Variants in ZMAT3 observed in about 807,000 individuals in gnomAD.
The protein encoded by ZMAT3 is zinc finger matrin-type 3.
ZMAT3 carries 17 observed loss-of-function variants against 32.3 expected under a neutral mutation model. The observed-to-expected ratio is 0.53, with a 90% CI of 0.36 to 0.79. ZMAT3 has a LOEUF of 0.79. Among genes scored for constraint, ZMAT3 ranks in the 30% least tolerant of loss-of-function variants. ZMAT3 has a pLI of 0.00. For synonymous variants in ZMAT3, 120 were observed against 133.1 expected, an observed-to-expected ratio of 0.90 and a Z score of 0.68; for missense variants, 329 against 359.7, an observed-to-expected ratio of 0.91 and a Z score of 0.69.
chr3:179,050,541 AAAG>A (rs1720502203), intron 2 of ZMAT3, among the ~76,000 whole-genome samples: 1 of 152,226 alleles, frequency 6.6e-6, no homozygotes, highest in Admixed American at 6.5e-5. Flanking sequence ...TCAGACATTC[AAAG>A]AAGAACTGGT....
At chr3:179,061,231 T>A (rs4955808) in intron 2 of ZMAT3, among the ~76,000 whole-genome samples, 92,757 of 151,924 alleles carry the variant, frequency 0.61, 28,456 homozygotes, top group East Asian at 0.8. Context: ...CCCAACAGAC[T>A]CCAGCTGAAA....
intron 2 of ZMAT3, among the ~76,000 whole-genome samples, chr3:179,031,269 T>G (rs1719170730): frequency 6.6e-6 from 1 of 151,866 alleles, no homozygotes; most frequent in Admixed American, 6.6e-5. Flanking sequence ...ATAGAAGAGT[T>G]CAGAAATATC....
chr3:179,057,988 T>A (rs1422592974), intron 2 of ZMAT3, among the ~76,000 whole-genome samples: 1 of 152,188 alleles, frequency 6.6e-6, no homozygotes, highest in East Asian at 1.9e-4. Flanking sequence ...TTTTTCTTTA[T>A]ATGTCACAGA....
chr3:179,067,222 AT>A (rs1303208415), intron 2 of ZMAT3, among the ~76,000 whole-genome samples: 1 of 152,212 alleles, frequency 6.6e-6, no homozygotes, highest in East Asian at 1.9e-4. Flanking sequence ...AGCATAGATC[AT>A]TTACATTTGC....
intron 2 of ZMAT3, among the ~76,000 whole-genome samples, chr3:179,052,178 G>A (rs1263934226): frequency 6.6e-6 from 1 of 152,150 alleles, no homozygotes. Context: ...CTTCTGCACA[G>A]CAAAAGAAAT....
At position 179,043,170 on chromosome 3, in the gene ZMAT3, T is replaced by C. The variant is rs193291704; in HGVS notation, c.271-12171A>G. On this transcript the variant is annotated intron_variant, in intron 2 of 5. Coordinates refer to ENST00000311417, the MANE Select transcript of ZMAT3 (RefSeq NM_022470.4). Reference sequence around the variant, plus strand: ...TGCCCAAGGTAATTTATAGATTAAATGCCATCCCCATCAAGCTACCAATGA... The same window carrying C: ...TGCCCAAGGTAATTTATAGATTAAACGCCATCCCCATCAAGCTACCAATGA... Among the ~76,000 whole-genome samples, 313 of 152,310 alleles carry C rather than the reference T, an allele frequency of 2.1e-3. 3 individuals are homozygous for C. The highest frequency in any genetic ancestry group is 7.1e-3 in the African/African-American group (294 of 41,564).
intron 5 of ZMAT3, 76 bp from the exon 6 acceptor site, chr3:179,025,304 T>C (rs760250487): frequency 2.8e-5 from 33 of 1,190,580 alleles, no homozygotes; most frequent in Non-Finnish European, 3.3e-5. Flanking sequence ...ATCACTGTAA[T>C]TTGTAATTCT....
chr3:179,063,459 T>C (rs1190080303), intron 2 of ZMAT3, among the ~76,000 whole-genome samples: 4 of 152,252 alleles, frequency 2.6e-5, no homozygotes, highest in Non-Finnish European at 5.9e-5. Flanking sequence ...GGTTGCTATC[T>C]GGCCACTAAC....
At position 179,030,441 on chromosome 3, in the gene ZMAT3, G is replaced by A. The variant is rs887506424; in HGVS notation, c.390+439C>T. ...GCAATCTCAGCTCACTGCAAGCTCC[G>A]CCTCCCGGGTTCGCACCTTTCTCCT... is the stretch of plus-strand genomic sequence containing the variant. On this transcript the variant is annotated intron_variant, in intron 3 of 5. Coordinates refer to ENST00000311417, the MANE Select transcript of ZMAT3 (RefSeq NM_022470.4). 1.4e-5 allele frequency among the ~76,000 whole-genome samples: 2 copies of A among 147,082 alleles called. 1 individual carries two copies. Among genetic ancestry groups the A allele is most frequent in the African/African-American group, 5.0e-5 (2 of 39,726 alleles).
intron 2 of ZMAT3, among the ~76,000 whole-genome samples, chr3:179,054,253 C>T (rs1720717943): frequency 1.3e-5 from 2 of 152,166 alleles, no homozygotes; most frequent in South Asian, 4.1e-4. Flanking sequence ...TTCTAAATGC[C>T]CCACACATAC....
At chr3:179,059,672 A>G (rs1721050127) in intron 2 of ZMAT3, among the ~76,000 whole-genome samples, 1 of 152,188 alleles carries the variant, frequency 6.6e-6, no homozygotes, top group Admixed American at 6.5e-5. Context: ...CCAGCCTGCT[A>G]GCCCATTCTC....
intron 2 of ZMAT3, among the ~76,000 whole-genome samples, chr3:179,058,312 C>T (rs1275655166): frequency 6.6e-6 from 1 of 152,216 alleles, no homozygotes; most frequent in Non-Finnish European, 1.5e-5. Context: ...CAACTCAACC[C>T]AGCCACATTT....
chr3:179,047,646 A>G (rs1560092599), intron 2 of ZMAT3, among the ~76,000 whole-genome samples: 1 of 152,036 alleles, frequency 6.6e-6, no homozygotes, highest in African/African-American at 2.4e-5. Context: ...TGAGGTCAGG[A>G]GTTCAAGACC....
chr3:179,048,093 C>T (rs1335206182), intron 2 of ZMAT3, among the ~76,000 whole-genome samples: 1 of 151,968 alleles, frequency 6.6e-6, no homozygotes, highest in Non-Finnish European at 1.5e-5. Flanking sequence ...TTGAATTAAC[C>T]CAAATTGATA....
At chr3:179,025,969 C>T (rs778040502) in intron 5 of ZMAT3, among the ~76,000 whole-genome samples, 1 of 152,204 alleles carries the variant, frequency 6.6e-6, no homozygotes, top group Non-Finnish European at 1.5e-5. Flanking sequence ...ATGCTTTTCA[C>T]TTCCACTATA....
intron 2 of ZMAT3, among the ~76,000 whole-genome samples, chr3:179,062,520 A>C (rs930143685): frequency 1.3e-5 from 2 of 152,174 alleles, no homozygotes; most frequent in African/African-American, 4.8e-5. Flanking sequence ...GTAGGGGTAG[A>C]CTAGAGGAGG....
chr3:179,069,439 T>C (rs1227212430), intron 1 of ZMAT3, among the ~76,000 whole-genome samples: 1 of 152,122 alleles, frequency 6.6e-6, no homozygotes, highest in African/African-American at 2.4e-5. Flanking sequence ...AGAATCCTTA[T>C]TTCAAAATCC....
Position 179,044,993 on chromosome 3 carries a change from G to T in ZMAT3, c.271-13994C>A, listed in dbSNP as rs141772323. Among the ~76,000 whole-genome samples, 150 of 151,510 alleles carry T rather than the reference G, an allele frequency of 9.9e-4. 3 individuals carry two copies. In the East Asian group the frequency reaches 0.025, roughly 26 times the overall value. Reference sequence around the variant, plus strand: ...ATGTATACCTATGTATCAAACCTGCGCATTGTGCACATGTACCCCAGAACT... The same window carrying T: ...ATGTATACCTATGTATCAAACCTGCTCATTGTGCACATGTACCCCAGAACT... On this transcript the variant is annotated intron_variant, in intron 2 of 5. Transcript: ENST00000311417.
rs1718686965 is a variant in ZMAT3, at chr3:179,023,712, T to TAGATA, written c.*1304_*1305insTATCT. On this transcript the variant is annotated 3_prime_UTR_variant, in exon 6 of 6. Coordinates refer to ENST00000311417, the MANE Select transcript of ZMAT3 (RefSeq NM_022470.4). ...AAAATATATCTATATATATATATATTTTTTTTTTTTTTTTTTTTTTTTTTT... is the reference window on the plus strand; with the variant it reads ...AAAATATATCTATATATATATATATTAGATATTTTTTTTTTTTTTTTTTTTTTTTT... 5.6e-5 allele frequency: 1 copy of TAGATA among 17,872 alleles called. No individual in the cohort carries two copies. The highest frequency in any genetic ancestry group is 4.2e-4 in the African/African-American group (1 of 2,370). The allele number at this position is 17,872 out of a possible 1,614,324, so 1.1% of individuals were successfully genotyped here. A position where few individuals can be genotyped will look rare whatever the true frequency, so the allele number is the denominator to read the frequency against.
Sources: allele counts gnomAD v4.1 joint callset (sites outside exome capture counted in the v4.1 genomes callset), GRCh38; gene constraint gnomAD v4.1.1; transcripts MANE v1.5; gene names NCBI Gene and HGNC (gene_info 2026-07-23, HGNC 2026-07-21).